The following ACSL5 variants were observed in gnomAD, a reference collection of about 807,000 sequenced individuals.
The protein encoded by ACSL5 is long-chain-fatty-acid--CoA ligase 5.
A neutral mutation model predicts 84.9 loss-of-function variants in ACSL5; 50 were observed. The ratio of observed to expected loss-of-function variants is 0.59; its 90% CI spans 0.47 to 0.75. ACSL5 has a LOEUF of 0.75. Ranked by LOEUF, ACSL5 falls within the 30% of genes least tolerant of loss-of-function variation. The pLI, the probability that ACSL5 is intolerant of heterozygous loss-of-function variation, is 0.00. For synonymous variants in ACSL5, 280 were observed against 300.7 expected (o/e 0.93, Z 0.71); for missense variants, 775 against 830.4 (o/e 0.93, Z 0.82).
intron 3 of ACSL5, among the ~76,000 whole-genome samples, chr10:112,402,983 A>C (rs1843941630): frequency 1.3e-5 from 2 of 152,222 alleles, no homozygotes; most frequent in South Asian, 4.1e-4. Flanking sequence ...AACTTATTTT[A>C]AGTAAGGCTG....
At chr10:112,417,618 A>G (rs138351269) in intron 13 of ACSL5, among the ~76,000 whole-genome samples, 1 of 152,314 alleles carries the variant, frequency 6.6e-6, no homozygotes, top group Non-Finnish European at 1.5e-5. Flanking sequence ...TTTGAGAAAT[A>G]TATGGCTTCT....
At chr10:112,423,904 T>C (rs1229619595) in intron 17 of ACSL5, among the ~76,000 whole-genome samples, 3 of 152,078 alleles carry the variant, frequency 2.0e-5, no homozygotes, top group Non-Finnish European at 2.9e-5. Context: ...GGAGGGAGAA[T>C]TGTTTGAGGC....
chr10:112,407,488 C>T lies in ACSL5; in HGVS notation c.433-934C>T, dbSNP rs540836748. 4.2e-4 allele frequency among the ~76,000 whole-genome samples: 64 copies of T among 152,224 alleles called. 1 individual carries two copies. Among genetic ancestry groups the T allele is most frequent in the African/African-American group, 1.5e-3 (63 of 41,544 alleles). ...CTTCCCATCTCAGCCTCCCAAAGTG[C>T]TGGGATTACAGGCATGAACCACTGC... On this transcript the variant is annotated intron_variant, in intron 5 of 20. Transcript: ENST00000354655.
In ACSL5 at chr10:112,426,847, A is replaced by G. The variant is rs148706820; in HGVS notation, c.1899A>G (p.Lys633=). ...LQKIGKESGL[K]TFEQVKAIFL... is the part of the protein sequence containing the mutation. The stretch of plus-strand genomic sequence containing the variant: ...AAATTGGGAAAGAAAGTGGCCTTAA[A>G]ACTTTTGAACAGGTGTGTGCTACCA... Residue 633 remains lysine, a synonymous_variant, in exon 20 of 21, where the codon AAA becomes AAG. Coordinates refer to ENST00000354655, the MANE Select transcript of ACSL5 (RefSeq NM_203379.2). 4 of 1,613,544 alleles carry G rather than the reference A, an allele frequency of 2.5e-6. No homozygotes were observed. The South Asian group carries it at 3.3e-5, about 13-fold the overall frequency.
chr10:112,379,781 G>A (rs772600745), intron 1 of ACSL5, among the ~76,000 whole-genome samples: 2 of 152,206 alleles, frequency 1.3e-5, no homozygotes, highest in African/African-American at 4.8e-5. Flanking sequence ...GGAAGGGCAC[G>A]ACCTTGAAAG....
Position 112,418,770 on chromosome 10 carries a change from GA to G in ACSL5, c.1314+833del, listed in dbSNP as rs544493322. On this transcript the variant is annotated intron_variant, in intron 14 of 20. Coordinates refer to ENST00000354655, the MANE Select transcript of ACSL5 (RefSeq NM_203379.2). ...GTTATTTAAGAAATCATAAGGAAGA[GA>G]AAACATATTTACTATTCATTAAGTG... is the stretch of plus-strand genomic sequence containing the variant. The G allele has an allele frequency of 3.1e-4, 46 of 150,096 alleles. No individual in the cohort carries two copies. The South Asian group carries it at 9.5e-3, about 31-fold the overall frequency. The allele number at this position is 150,096 out of a possible 1,614,324, so 9.3% of individuals were successfully genotyped here. A position where few individuals can be genotyped will look rare whatever the true frequency, so the allele number is the denominator to read the frequency against.
Position 112,422,459 on chromosome 10 carries a change from A to G in ACSL5, c.1593+18A>G. On this transcript the variant is annotated intron_variant, in intron 17 of 20. Transcript: ENST00000354655. ...GGCTCCCGGTAGGTATATCATCAGAACTCCTGGAAGTCTATGCTAATGGAC... is the reference window on the plus strand; with the variant it reads ...GGCTCCCGGTAGGTATATCATCAGAGCTCCTGGAAGTCTATGCTAATGGAC... 4.4e-6 allele frequency: 7 copies of G among 1,605,174 alleles called. No individual in the cohort carries two copies. The highest frequency in any genetic ancestry group is 6.0e-6 in the Non-Finnish European group (7 of 1,172,754).
intron 1 of ACSL5, among the ~76,000 whole-genome samples, chr10:112,382,823 A>G (rs1254289450): frequency 6.6e-6 from 1 of 152,120 alleles, no homozygotes; most frequent in East Asian, 1.9e-4. Flanking sequence ...GGTTATTATC[A>G]CTTATCTTTT....
At chr10:112,410,238 A>G (rs902915147) in intron 7 of ACSL5, 5 of 1,521,292 alleles carry the variant, frequency 3.3e-6, no homozygotes, top group African/African-American at 1.4e-5. Flanking sequence ...AAGTTTGAAC[A>G]TGCAATCTAC....
At chr10:112,414,018 C>T (rs1396606333) in intron 12 of ACSL5, among the ~76,000 whole-genome samples, 1 of 152,138 alleles carries the variant, frequency 6.6e-6, no homozygotes, top group African/African-American at 2.4e-5. Flanking sequence ...GGTTAAATAA[C>T]CTGCCCAGAG....
chr10:112,422,430 C>A lies in ACSL5; in HGVS notation c.1582C>A (p.Arg528Ser). The A allele has an allele frequency of 6.2e-7, 1 of 1,613,930 alleles. No individual in the cohort carries two copies. The highest frequency in any genetic ancestry group is 1.1e-5 in the South Asian group (1 of 91,050). Reference sequence around the variant, plus strand: ...CTGGCTTCACACAGGAGACATTGGTCGCTGGCTCCCGGTAGGTATATCATC... The same window carrying A: ...CTGGCTTCACACAGGAGACATTGGTAGCTGGCTCCCGGTAGGTATATCATC... ...DGWLHTGDIG[R>S]WLPNGTLKII... is the part of the protein sequence containing the mutation. Residue 528 changes from arginine (R) to serine (S), a missense_variant, in exon 17 of 21, where the codon CGC (arginine) becomes AGC (serine). Coordinates refer to ENST00000354655, the MANE Select transcript of ACSL5 (RefSeq NM_203379.2).
At chr10:112,379,657 G>A (rs1220658536) in intron 1 of ACSL5, among the ~76,000 whole-genome samples, 1 of 152,184 alleles carries the variant, frequency 6.6e-6, no homozygotes, top group African/African-American at 2.4e-5. Context: ...TTTAAGTAGC[G>A]ATTTTCACCT....
Position 112,409,639 on chromosome 10 carries a change from G to T in ACSL5, c.665G>T (p.Arg222Ile). 1 of 1,614,204 alleles carries T rather than the reference G, an allele frequency of 6.2e-7. No homozygotes were observed. The highest frequency in any genetic ancestry group is 8.5e-7 in the Non-Finnish European group (1 of 1,180,026). Residue 222 changes from arginine (R) to isoleucine (I), a missense_variant, in exon 7 of 21, where the codon AGA becomes ATA. Arg to Ile is a moderately conservative substitution (Grantham distance 97). Coordinates refer to ENST00000354655, the MANE Select transcript of ACSL5 (RefSeq NM_203379.2). Reference sequence around the variant, plus strand: ...CCCTTTGATGATGACCTGAAGCAAAGAGGGGAGAAGAGTGGAATTGAGATC... The same window carrying T: ...CCCTTTGATGATGACCTGAAGCAAATAGGGGAGAAGAGTGGAATTGAGATC... The part of the protein sequence containing the change: ...MDPFDDDLKQ[R>I]GEKSGIEILS...
At chr10:112,393,500 G>A (rs1277065241) in intron 1 of ACSL5, among the ~76,000 whole-genome samples, 2 of 152,192 alleles carry the variant, frequency 1.3e-5, no homozygotes, top group East Asian at 3.9e-4. Context: ...CTAGAGTGAA[G>A]TGTGTTTCCA....
Position 112,416,966 on chromosome 10 carries a change from A to C in ACSL5, c.1162A>C (p.Lys388Gln). 6.2e-7 allele frequency: 1 copy of C among 1,614,118 alleles called. No individual in the cohort carries two copies. The highest frequency in any genetic ancestry group is 8.5e-7 in the Non-Finnish European group (1 of 1,180,010). Residue 388 changes from lysine (K) to glutamine (Q), a missense_variant, in exon 13 of 21, where the codon AAG becomes CAG. Lys to Gln is a moderately conservative substitution (Grantham distance 53). Transcript: ENST00000354655. ...TTCCAGTAAATTCAAAGAGCTTCAA[A>C]AGGGTATCATCAGGCATGATAGTTT... ...AVSSKFKELQKGIIRHDSFWD... is the reference protein window; with the variant it reads ...AVSSKFKELQQGIIRHDSFWD...
chr10:112,426,846 A>T lies in ACSL5; in HGVS notation c.1898A>T (p.Lys633Ile). 6.2e-7 allele frequency: 1 copy of T among 1,613,722 alleles called. No homozygotes were observed. The highest frequency in any genetic ancestry group is 1.3e-5 in the African/African-American group (1 of 75,036). Residue 633 changes from lysine (K) to isoleucine (I), a missense_variant, in exon 20 of 21, where the codon AAA becomes ATA. Lys to Ile is a moderately radical substitution (Grantham distance 102, BLOSUM62 -3). Coordinates refer to ENST00000354655, the MANE Select transcript of ACSL5 (RefSeq NM_203379.2). ...AAAATTGGGAAAGAAAGTGGCCTTA[A>T]AACTTTTGAACAGGTGTGTGCTACC... ...LQKIGKESGL[K>I]TFEQVKAIFL...
intron 3 of ACSL5, among the ~76,000 whole-genome samples, chr10:112,403,451 T>G (rs1843951747): frequency 6.6e-6 from 1 of 152,162 alleles, no homozygotes; most frequent in Non-Finnish European, 1.5e-5. Flanking sequence ...TGCACCCAGC[T>G]AATTTTGTAT....
At chr10:112,377,973 T>C (rs1849272382) in intron 1 of ACSL5, among the ~76,000 whole-genome samples, 1 of 152,174 alleles carries the variant, frequency 6.6e-6, no homozygotes, top group Non-Finnish European at 1.5e-5. Flanking sequence ...AAACAGAATA[T>C]TTCAGCCTAG....
chr10:112,378,254 TTTTTG>T (rs1849281247), intron 1 of ACSL5, among the ~76,000 whole-genome samples: 1 of 138,866 alleles, frequency 7.2e-6, no homozygotes, highest in South Asian at 2.4e-4. Context: ...TTTTTTTTTT[TTTTTG>T]GAGGAGCCTC....
Sources: gnomAD v4.1 joint callset for allele counts (sites outside exome capture counted in the v4.1 genomes callset) on GRCh38, gnomAD v4.1.1 for gene constraint, MANE v1.5 for transcripts, NCBI Gene and HGNC (gene_info 2026-07-23, HGNC 2026-07-21) for gene names.